The following ZNF34 variants were observed in gnomAD, a reference collection of about 807,000 sequenced individuals.
ZNF34 encodes zinc finger protein 34 (KOX 32).
In ZNF34, 8 loss-of-function variants were observed where a neutral mutation model predicts 14.4. That is an observed-to-expected ratio of 0.55 (90% CI 0.33 to 1.00). The LOEUF is 1.00. ZNF34 is among the 50% of genes least tolerant of loss of function. The probability of loss-of-function intolerance (pLI) is 0.03; values close to 1 mark genes in which losing one functional copy is unlikely to be tolerated. For synonymous variants in ZNF34, 235 were observed against 247.9 expected (o/e 0.95, Z 0.49); for missense variants, 538 against 674.2 (o/e 0.80, Z 2.24).
chr8:144,782,477 G>A (rs1586739083), intron 1 of ZNF34, among the ~76,000 whole-genome samples: 1 of 151,932 alleles, frequency 6.6e-6, no homozygotes, highest in Non-Finnish European at 1.5e-5. Flanking sequence ...GGGCGACAGA[G>A]TGAGACTCTG....
intron 1 of ZNF34, among the ~76,000 whole-genome samples, chr8:144,780,704 G>A (rs1479986317): frequency 6.6e-5 from 10 of 151,984 alleles, no homozygotes; most frequent in Admixed American, 2.6e-4. Context: ...CAGGAGAATC[G>A]CTTGAACCCG....
At position 144,773,562 on chromosome 8, in the gene ZNF34, TGA is replaced by T. The variant is rs1231102913; in HGVS notation, c.1322_1323del (p.Leu441HisfsTer111). On this transcript the variant is annotated frameshift_variant, in exon 6 of 6. Transcript: ENST00000429371. LOFTEE classifies it low-confidence loss of function (END_TRUNC). The surrounding 1 kb of genome is among the most constrained non-coding windows in gnomAD (Gnocchi z 5.4). ...CGKVFSQSTH[L>X]IQHQRIHTGE... is the part of the protein sequence containing the mutation. ...CCTGTGTGGATTCTCTGGTGCTGGA[TGA>T]GGTGTGTGCTTTGGCTGAAAACTTT... 2 of 1,613,952 alleles carry T rather than the reference TGA, an allele frequency of 1.2e-6. No individual in the cohort carries two copies. The highest frequency in any genetic ancestry group is 1.7e-6 in the Non-Finnish European group (2 of 1,179,886).
At position 144,773,870 on chromosome 8, in the gene ZNF34, T is replaced by C. The variant is rs1227264430; in HGVS notation, c.1016A>G (p.Glu339Gly). 3 of 1,614,156 alleles carry C rather than the reference T, an allele frequency of 1.9e-6. No homozygotes were observed. Among genetic ancestry groups the C allele is most frequent in the Non-Finnish European group, 2.5e-6 (3 of 1,180,018 alleles). Residue 339 changes from glutamate to glycine, a missense_variant, in exon 6 of 6, where the codon GAG becomes GGG. Glu to Gly is a moderately conservative substitution (Grantham distance 98). Coordinates refer to ENST00000429371, the MANE Select transcript of ZNF34 (RefSeq NM_001286769.2). This position sits in a 1 kb window ranked among gnomAD's most constrained non-coding sequence, Gnocchi z 5.4. ...GCAGTCATTACATTTATAGGGTTTC[T>C]CTCCGGTGTGGATTCTCTGGTGATA... ...LIYHQRIHTG[E>G]KPYKCNDCGK...
Position 144,777,559 on chromosome 8 carries a change from G to A in ZNF34, c.179C>T (p.Pro60Leu), listed in dbSNP as rs1461091929. ...LVSLGVGPAGPKPGVISQLER... is the reference protein window; with the variant it reads ...LVSLGVGPAGLKPGVISQLER... ...CAACTGCGAGATCACTCCAGGCTTG[G>A]GGCCTGCAGGTCCTACTCCTGGGAA... Residue 60 changes from proline to leucine, a missense_variant, in exon 5 of 6, where the codon CCC becomes CTC. Pro to Leu is a moderately conservative substitution (Grantham distance 98). Around this residue, in one of 3 missense-constraint regions of ZNF34, gnomAD observed 431 missense variants for 525.7 expected, o/e 0.82. Transcript: ENST00000429371. The surrounding 1 kb of genome is among the most constrained non-coding windows in gnomAD (Gnocchi z 4.8). 1.9e-6 allele frequency: 3 copies of A among 1,552,538 alleles called. No homozygotes were observed. Among genetic ancestry groups the A allele is most frequent in the East Asian group, 2.4e-5 (1 of 40,992 alleles).
At chr8:144,778,399 G>A in intron 3 of ZNF34, 40 bp downstream of exon 3, 1 of 1,485,594 alleles carries the variant, frequency 6.7e-7, no homozygotes, top group Non-Finnish European at 9.0e-7. Context: ...GGAAAGCCCT[G>A]GGTAAAAACT....
Position 144,773,721 on chromosome 8 carries a change from G to T in ZNF34, c.1165C>A (p.Gln389Lys), listed in dbSNP as rs1249341752. 1.9e-6 allele frequency: 3 copies of T among 1,614,064 alleles called. 1 individual carries two copies. The South Asian group carries it at 3.3e-5, about 18-fold the overall frequency. ...FTQSSNLIQH[Q>K]RIHTGEKPYK... The stretch of plus-strand genomic sequence containing the variant: ...GGTTTCTCTCCAGTGTGAATTCTCT[G>T]ATGTTGGATAAGGTTAGAACTTTGT... Residue 389 changes from glutamine to lysine, a missense_variant, in exon 6 of 6, where the codon CAG becomes AAG. Physicochemically the swap from Gln to Lys is moderately conservative, Grantham distance 53. This residue lies in a region of ZNF34 where 431 missense variants were observed against 525.7 expected (regional missense o/e 0.82). Transcript: ENST00000429371. This position sits in a 1 kb window ranked among gnomAD's most constrained non-coding sequence, Gnocchi z 5.4.
intron 1 of ZNF34, among the ~76,000 whole-genome samples, chr8:144,780,645 C>CGGG (rs766192975): frequency 2.0e-5 from 3 of 151,874 alleles, no homozygotes; most frequent in East Asian, 1.9e-4. Flanking sequence ...AAAAATTAGC[C>CGGG]GGGCGTGGTG....
At chr8:144,783,888 G>GGC (rs1489285821) in intron 1 of ZNF34, among the ~76,000 whole-genome samples, 2 of 152,224 alleles carry the variant, frequency 1.3e-5, no homozygotes, top group Non-Finnish European at 2.9e-5. Flanking sequence ...AGTGTGGCCA[G>GGC]GCGCAGTGGC....
intron 1 of ZNF34, among the ~76,000 whole-genome samples, chr8:144,780,657 C>T (rs1390981077): frequency 6.6e-6 from 1 of 151,896 alleles, no homozygotes; most frequent in African/African-American, 2.4e-5. Flanking sequence ...GGCGTGGTGG[C>T]GGGCTCCTGT....
intron 1 of ZNF34, 24 bp from the exon 2 acceptor site, chr8:144,780,304 G>C: frequency 6.5e-7 from 1 of 1,531,404 alleles, no homozygotes; most frequent in Non-Finnish European, 8.9e-7. Context: ...ACACAGAAAG[G>C]CTAAGTATTA....
rs1358791017 is a variant in ZNF34, at chr8:144,777,398, C to G, written c.280+60G>C. 4.6e-6 allele frequency: 7 copies of G among 1,536,720 alleles called. No homozygotes were observed. The East Asian group carries it at 1.5e-4, about 32-fold the overall frequency. On this transcript the variant is annotated intron_variant, in intron 5 of 5. Coordinates refer to ENST00000429371, the MANE Select transcript of ZNF34 (RefSeq NM_001286769.2). This position sits in a 1 kb window ranked among gnomAD's most constrained non-coding sequence, Gnocchi z 4.8. Reference sequence around the variant, plus strand: ...ACTCCTGATTCATTAATCAGACACCCTGGACCCCAATAAAGGCTCGTTCGG... The same window carrying G: ...ACTCCTGATTCATTAATCAGACACCGTGGACCCCAATAAAGGCTCGTTCGG...
chr8:144,773,956 C>G lies in ZNF34; in HGVS notation c.930G>C (p.Gly310=), dbSNP rs369447766. 3.7e-5 allele frequency: 60 copies of G among 1,613,786 alleles called. No individual in the cohort carries two copies. Among genetic ancestry groups the G allele is most frequent in the Non-Finnish European group, 4.2e-5 (50 of 1,179,982 alleles). ...NLMKHQRIHT[G]EKPYKCGECG... is the part of the protein sequence containing the mutation. ...ACTCCCCACACTTGTAGGGTTTCTC[C>G]CCAGTGTGAATCCTCTGGTGCTTCA... The change falls in exon 6 of 6, where the codon GGG becomes GGC. Residue 310 remains glycine (G), a synonymous_variant. Transcript: ENST00000429371. This position sits in a 1 kb window ranked among gnomAD's most constrained non-coding sequence, Gnocchi z 5.4.
chr8:144,787,135 C>G (rs1826295713), intron 1 of ZNF34, 144 bp downstream of exon 1: 2 of 152,284 alleles, frequency 1.3e-5, no homozygotes, highest in South Asian at 2.1e-4. Context: ...GGGGGTCCCT[C>G]GAACAGGAAG....
intron 1 of ZNF34, among the ~76,000 whole-genome samples, chr8:144,780,710 A>G (rs1255394179): frequency 2.6e-5 from 4 of 151,424 alleles, no homozygotes; most frequent in Admixed American, 2.0e-4. Flanking sequence ...AATCGCTTGA[A>G]CCCGGGAGGC....
At chr8:144,781,924 G>A (rs6993616) in intron 1 of ZNF34, among the ~76,000 whole-genome samples, 1,693 of 152,284 alleles carry the variant, frequency 0.011, 30 homozygotes, top group African/African-American at 0.036. Flanking sequence ...TGTGGCTCAC[G>A]TCTATAATCC....
intron 5 of ZNF34, among the ~76,000 whole-genome samples, chr8:144,776,810 G>C (rs983328661): frequency 8.6e-5 from 13 of 151,170 alleles, no homozygotes; most frequent in African/African-American, 3.2e-4. Flanking sequence ...TACTCGGGAG[G>C]CTGAGATGGG....
At chr8:144,780,026 CAAAAAAA>C (rs10710060) in intron 2 of ZNF34, among the ~76,000 whole-genome samples, 195 bp downstream of exon 2, 1,223 of 101,656 alleles carry the variant, frequency 0.012, 23 homozygotes, top group African/African-American at 0.043. Context: ...TTAATGCTAC[CAAAAAAA>C]AAAAAAAAAA....
In ZNF34 at chr8:144,773,371, G is replaced by C; in HGVS notation, c.1515C>G (p.Thr505=). The change falls in exon 6 of 6, where the codon ACC becomes ACG. Residue 505 remains threonine (T), a synonymous_variant. Coordinates refer to ENST00000429371, the MANE Select transcript of ZNF34 (RefSeq NM_001286769.2). This position sits in a 1 kb window ranked among gnomAD's most constrained non-coding sequence, Gnocchi z 5.4. ...CGCTGCACTTGTAGGGCTTCTCCCCGGTGTGGATCCTCCGGTGCTGAATCA... is the reference window on the plus strand; with the variant it reads ...CGCTGCACTTGTAGGGCTTCTCCCCCGTGTGGATCCTCCGGTGCTGAATCA... ...TYLIQHRRIH[T]GEKPYKCSEC... is the part of the protein sequence containing the mutation. 6.2e-7 allele frequency: 1 copy of C among 1,610,164 alleles called. No homozygotes were observed. Among genetic ancestry groups the C allele is most frequent in the Non-Finnish European group, 8.5e-7 (1 of 1,178,860 alleles).
rs1210440254 is a variant in ZNF34 at position 144,773,763 on chromosome 8, A to G, written c.1123T>C (p.Cys375Arg). 6.2e-7 allele frequency: 1 copy of G among 1,614,110 alleles called. No individual in the cohort carries two copies. The highest frequency in any genetic ancestry group is 8.5e-7 in the Non-Finnish European group (1 of 1,179,972). Residue 375 changes from cysteine to arginine, a missense_variant, in exon 6 of 6, where the codon TGT becomes CGT. Cys to Arg is a radical substitution (Grantham distance 180). Coordinates refer to ENST00000429371, the MANE Select transcript of ZNF34 (RefSeq NM_001286769.2). The surrounding 1 kb of genome is among the most constrained non-coding windows in gnomAD (Gnocchi z 5.4). ...GAACTTTGTGTAAAGCCTTTGCCAC[A>G]TTCCTTGCACTCAAATGGCTTCTCT... ...TGEKPFECKE[C>R]GKGFTQSSNL... is the part of the protein sequence containing the mutation.
Sources: gnomAD v4.1 joint callset for allele counts (sites outside exome capture counted in the v4.1 genomes callset) on GRCh38, gnomAD v4.1.1 for gene constraint, gnomAD v4.1.1 regional missense constraint, Gnocchi (gnomAD v3.1) non-coding constraint, MANE v1.5 for transcripts, NCBI Gene and HGNC (gene_info 2026-07-23, HGNC 2026-07-21) for gene names.